Variants in SORCS1 observed in about 807,000 individuals in gnomAD.
The protein encoded by SORCS1 is VPS10 domain-containing receptor SorCS1.
SORCS1 carries 60 observed loss-of-function variants against 146.1 expected under a neutral mutation model. The ratio of observed to expected loss-of-function variants is 0.41; its 90% CI spans 0.33 to 0.51. SORCS1 has a LOEUF of 0.51. Ranked by LOEUF, SORCS1 falls within the 20% of genes least tolerant of loss-of-function variation. SORCS1 has a pLI of 0.21. For synonymous variants in SORCS1, 637 were observed against 584.0 expected (o/e 1.09, Z -1.31); for missense variants, 1,352 against 1,487.6 (o/e 0.91, Z 1.50).
At chr10:106,899,431 G>A (rs945684281) in intron 2 of SORCS1, among the ~76,000 whole-genome samples, 5 of 152,118 alleles carry the variant, frequency 3.3e-5, no homozygotes, top group African/African-American at 9.7e-5. Flanking sequence ...CCTCAAAAGC[G>A]TCCAACTCTC....
At chr10:106,971,100 T>G (rs76871194) in intron 1 of SORCS1, among the ~76,000 whole-genome samples, 1,666 of 152,088 alleles carry the variant, frequency 0.011, 16 homozygotes, top group Non-Finnish European at 0.018. Context: ...CAGGTCACCC[T>G]TTACACTGTT....
At chr10:106,954,405 G>A (rs1016291765) in intron 2 of SORCS1, among the ~76,000 whole-genome samples, 6 of 151,950 alleles carry the variant, frequency 3.9e-5, no homozygotes, top group South Asian at 2.1e-4. Context: ...TAGTAGGTGC[G>A]GGCTCCTTAA....
At chr10:106,617,056 G>A (rs1847416175) in intron 21 of SORCS1, among the ~76,000 whole-genome samples, 1 of 151,618 alleles carries the variant, frequency 6.6e-6, no homozygotes, top group Non-Finnish European at 1.5e-5. Flanking sequence ...CTGGGTTCAA[G>A]CGATTCTCCT....
intron 1 of SORCS1, among the ~76,000 whole-genome samples, chr10:107,127,710 C>T (rs2134602891): frequency 1.3e-5 from 2 of 152,320 alleles, no homozygotes; most frequent in African/African-American, 4.8e-5. Flanking sequence ...TGCTCAAAGG[C>T]TGCCTTTCCA....
At chr10:106,730,351 G>C (rs1297581627) in intron 5 of SORCS1, among the ~76,000 whole-genome samples, 2 of 152,198 alleles carry the variant, frequency 1.3e-5, no homozygotes, top group East Asian at 3.9e-4. Context: ...CAAGGATGTT[G>C]CATGTTATTA....
chr10:107,076,054 C>T (rs552337643), intron 1 of SORCS1, among the ~76,000 whole-genome samples: 3 of 152,216 alleles, frequency 2.0e-5, no homozygotes, highest in East Asian at 3.9e-4. Context: ...CTGTACAGTG[C>T]TTGAAATTCA....
intron 3 of SORCS1, among the ~76,000 whole-genome samples, chr10:106,816,325 A>G (rs1006219503): frequency 6.6e-6 from 1 of 152,200 alleles, no homozygotes; most frequent in Admixed American, 6.5e-5. Flanking sequence ...AATGCCCTAA[A>G]CCTAAATTTG....
At position 106,629,358 on chromosome 10, in the gene SORCS1, C is replaced by G. The variant is rs1006900079; in HGVS notation, c.2506G>C (p.Asp836His). The part of the protein sequence containing the change: ...GDVQRTLIQV[D>H]FGDGIAVSYV... ...GACACCGCGATACCATCGCCAAAGT[C>G]CACTTGGATGAGTGTCCGCTGAACA... Residue 836 changes from aspartate to histidine, a missense_variant, in exon 19 of 26, where the codon GAC becomes CAC. By Grantham distance (81) the Asp-to-His change is moderately conservative (BLOSUM62 -1). This residue lies in a region of SORCS1 where 648 missense variants were observed against 793.8 expected (regional missense o/e 0.82). Transcript: ENST00000263054. 2 of 1,614,008 alleles carry G rather than the reference C, an allele frequency of 1.2e-6. No individual in the cohort carries two copies. Among genetic ancestry groups the G allele is most frequent in the Non-Finnish European group, 1.7e-6 (2 of 1,179,996 alleles).
chr10:106,633,000 C>T (rs190226400), intron 18 of SORCS1, among the ~76,000 whole-genome samples: 6 of 151,770 alleles, frequency 4.0e-5, no homozygotes, highest in African/African-American at 7.3e-5. Flanking sequence ...GGAGATAGTA[C>T]GGTTGAAGAA....
intron 4 of SORCS1, among the ~76,000 whole-genome samples, chr10:106,762,908 C>G (rs1213798482): frequency 6.6e-6 from 1 of 152,080 alleles, no homozygotes; most frequent in Non-Finnish European, 1.5e-5. Context: ...GTCCTGAACA[C>G]CTGGTATTTC....
chr10:107,063,493 G>T (rs1961437410), intron 1 of SORCS1, among the ~76,000 whole-genome samples: 1 of 152,122 alleles, frequency 6.6e-6, no homozygotes, highest in Non-Finnish European at 1.5e-5. Flanking sequence ...GTAACCATGT[G>T]TACCATATCC....
chr10:106,705,380 A>G (rs1854444113), intron 8 of SORCS1, among the ~76,000 whole-genome samples: 2 of 152,152 alleles, frequency 1.3e-5, no homozygotes, highest in South Asian at 4.1e-4. Context: ...AGAAACCAGA[A>G]CAATCTGTTA....
intron 10 of SORCS1, among the ~76,000 whole-genome samples, chr10:106,684,352 G>T (rs1416633973): frequency 4.6e-5 from 7 of 152,018 alleles, no homozygotes; most frequent in Non-Finnish European, 8.8e-5. Flanking sequence ...AAACAGAAAA[G>T]AAAAGAAAAC....
the SORCS1 span, among the ~76,000 whole-genome samples, chr10:107,171,515 T>TTTTC: frequency 5.9e-4 from 3 of 5,108 alleles, no homozygotes; most frequent in Non-Finnish European, 2.5e-3. Context: ...GGAATCCCCC[T>TTTTC]TTTTTTTTTT....
chr10:106,958,018 C>A (rs1955046941), intron 1 of SORCS1, among the ~76,000 whole-genome samples: 1 of 152,194 alleles, frequency 6.6e-6, no homozygotes, highest in African/African-American at 2.4e-5. Flanking sequence ...CTCAGTCACA[C>A]CAAAACCCTT....
At chr10:107,039,184 C>T (rs1258189699) in intron 1 of SORCS1, among the ~76,000 whole-genome samples, 6 of 151,574 alleles carry the variant, frequency 4.0e-5, no homozygotes, top group African/African-American at 1.2e-4. Context: ...AAAAAATAGC[C>T]GGGCGTAGTG....
intron 2 of SORCS1, among the ~76,000 whole-genome samples, chr10:106,955,707 C>G (rs1049206743): frequency 6.6e-6 from 1 of 152,176 alleles, no homozygotes; most frequent in Non-Finnish European, 1.5e-5. Flanking sequence ...TTGCCCTGGG[C>G]CAGGCGCGGT....
At chr10:107,064,151 T>C (rs1191008979) in intron 1 of SORCS1, among the ~76,000 whole-genome samples, 1 of 152,194 alleles carries the variant, frequency 6.6e-6, no homozygotes, top group African/African-American at 2.4e-5. Context: ...GTTGAAGTCA[T>C]TTCTATTTTA....
chr10:106,578,983 G>T (rs1451380666), intron 25 of SORCS1: 1 of 1,470,758 alleles, frequency 6.8e-7, no homozygotes, highest in Non-Finnish European at 9.0e-7. Context: ...TTCTCTCAGG[G>T]GTGTTAGAGC....
Sources: allele counts gnomAD v4.1 joint callset (sites outside exome capture counted in the v4.1 genomes callset), GRCh38; gene constraint gnomAD v4.1.1; regional missense constraint gnomAD v4.1.1; transcripts MANE v1.5; gene names NCBI Gene and HGNC (gene_info 2026-07-23, HGNC 2026-07-21).